TAF4B: variants seen among roughly 807,000 people sequenced by gnomAD.
The protein encoded by TAF4B is transcription initiation factor TFIID subunit 4B.
TAF4B carries 38 observed loss-of-function variants against 86.4 expected under a neutral mutation model. That is an observed-to-expected ratio of 0.44 (90% CI 0.34 to 0.58). The LOEUF (loss-of-function observed/expected upper bound fraction) is 0.58, where lower values mean the gene tolerates loss of function less well. TAF4B is among the 20% of genes least tolerant of loss of function. TAF4B has a pLI of 0.02. For synonymous variants in TAF4B, 388 were observed against 391.2 expected (o/e 0.99, Z 0.10); for missense variants, 988 against 1,027.6 (o/e 0.96, Z 0.53).
chr18:26,306,419 A>G (rs1243526365), intron 9 of TAF4B, among the ~76,000 whole-genome samples: 1 of 152,052 alleles, frequency 6.6e-6, no homozygotes, highest in Admixed American at 6.6e-5. Flanking sequence ...ATCTAAAATT[A>G]TTTTGTTCAT....
intron 2 of TAF4B, among the ~76,000 whole-genome samples, chr18:26,266,466 TCTG>T (rs2056241057): frequency 6.6e-6 from 1 of 152,172 alleles, no homozygotes; most frequent in Non-Finnish European, 1.5e-5. Context: ...AATACAGAAA[TCTG>T]CTGCATTTCA....
At chr18:26,295,236 C>CT in intron 9 of TAF4B, 7 of 403,806 alleles carry the variant, frequency 1.7e-5, no homozygotes, top group Non-Finnish European at 3.0e-5. Context: ...CACCATCGGT[C>CT]TTTTTTTCTG....
chr18:26,284,043 G>A lies in TAF4B; in HGVS notation c.973-1839G>A, dbSNP rs1259452205. On this transcript the variant is annotated intron_variant, in intron 6 of 14. Coordinates refer to ENST00000269142, the MANE Select transcript of TAF4B (RefSeq NM_005640.3). ...ACTGTAGCCTGGGTGACAAGAGTGA[G>A]ACTCCGTCTCAAAAAAAAAAAAAAA... Among the ~76,000 whole-genome samples the A allele has an allele frequency of 6.5e-4, 97 of 149,488 alleles. 1 individual carries two copies. The highest frequency in any genetic ancestry group is 2.3e-3 in the African/African-American group (95 of 40,964).
chr18:26,328,608 C>T (rs2057025986), intron 12 of TAF4B, among the ~76,000 whole-genome samples: 1 of 151,998 alleles, frequency 6.6e-6, no homozygotes, highest in African/African-American at 2.4e-5. Context: ...TTTGCTTCAT[C>T]TCTACCATTT....
At chr18:26,291,980 TG>T (rs879339961) in intron 7 of TAF4B, among the ~76,000 whole-genome samples, 1 of 152,184 alleles carries the variant, frequency 6.6e-6, no homozygotes, top group African/African-American at 2.4e-5. Flanking sequence ...AGTTAACAAT[TG>T]GAAATCGGAT....
At chr18:26,379,623 G>A (rs72881883) in intron 14 of TAF4B, among the ~76,000 whole-genome samples, 6,383 of 152,154 alleles carry the variant, frequency 0.042, 186 homozygotes, top group Non-Finnish European at 0.059. Flanking sequence ...TAGTGTGAGT[G>A]TTCCAGCTTT....
chr18:26,316,491 A>G (rs1343406144), intron 10 of TAF4B, among the ~76,000 whole-genome samples: 3 of 151,864 alleles, frequency 2.0e-5, no homozygotes, highest in African/African-American at 7.3e-5. Flanking sequence ...CCCAGGTTCA[A>G]GTGATTCTCC....
chr18:26,239,360 A>G (rs2055800270), intron 1 of TAF4B, among the ~76,000 whole-genome samples: 1 of 151,868 alleles, frequency 6.6e-6, no homozygotes. Flanking sequence ...GCATTTTTTC[A>G]TGTGTCTTTT....
intron 6 of TAF4B, among the ~76,000 whole-genome samples, chr18:26,285,093 C>A (rs1036788257): frequency 6.6e-6 from 1 of 151,160 alleles, no homozygotes; most frequent in Non-Finnish European, 1.5e-5. Context: ...TCAGCCCCTG[C>A]GGTAGCTGGG....
chr18:26,239,702 A>G (rs994875734), intron 1 of TAF4B, among the ~76,000 whole-genome samples: 1 of 152,196 alleles, frequency 6.6e-6, no homozygotes, highest in Non-Finnish European at 1.5e-5. Flanking sequence ...GTTTTCTTCT[A>G]GAGTTTTCAT....
At chr18:26,229,195 T>A (rs1257106268) in intron 1 of TAF4B, among the ~76,000 whole-genome samples, 3 of 152,190 alleles carry the variant, frequency 2.0e-5, no homozygotes, top group Admixed American at 6.5e-5. Context: ...GACCATAGTC[T>A]AATTATGTTC....
rs987230440 is a variant in TAF4B at position 26,281,851 on chromosome 18, TATTTA to T, written c.883-116_883-112del. ...TAGGTGGCATGAAGAAAAAAGCCTA[TATTTA>T]ATTGACTTTATCATTTGTGAAAAGT... On this transcript the variant is annotated intron_variant, in intron 5 of 14. Coordinates refer to ENST00000269142, the MANE Select transcript of TAF4B (RefSeq NM_005640.3). 7.7e-6 allele frequency: 5 copies of T among 650,688 alleles called. No individual in the cohort carries two copies. In the African/African-American group the frequency reaches 9.2e-5, roughly 12 times the overall value. The allele number at this position is 650,688 out of a possible 1,614,324, so 40.3% of individuals were successfully genotyped here. A position where few individuals can be genotyped will look rare whatever the true frequency, so the allele number is the denominator to read the frequency against.
chr18:26,264,103 G>A (rs2056206367), intron 1 of TAF4B, among the ~76,000 whole-genome samples: 1 of 152,068 alleles, frequency 6.6e-6, no homozygotes, highest in South Asian at 2.1e-4. Flanking sequence ...TAATAAACAG[G>A]TTTTTAAAAG....
chr18:26,298,734 G>A (rs2056694460), intron 9 of TAF4B, among the ~76,000 whole-genome samples: 1 of 151,186 alleles, frequency 6.6e-6, no homozygotes, highest in Admixed American at 6.6e-5. Flanking sequence ...TGTAGAGACA[G>A]GGATTTCACT....
chr18:26,267,631 G>A lies in TAF4B; in HGVS notation c.597+8G>A, dbSNP rs1172001227. 1.3e-6 allele frequency: 2 copies of A among 1,590,470 alleles called. No homozygotes were observed. Among genetic ancestry groups the A allele is most frequent in the African/African-American group, 2.7e-5 (2 of 74,598 alleles). ...AAGCCTTCCTCAGTACAAGTAAGTTGTGCTGGCCATTCGTGCACTTGTTGT... is the reference window on the plus strand; with the variant it reads ...AAGCCTTCCTCAGTACAAGTAAGTTATGCTGGCCATTCGTGCACTTGTTGT... On this transcript the variant is annotated splice_region_variant and intron_variant, in intron 3 of 14. Coordinates refer to ENST00000269142, the MANE Select transcript of TAF4B (RefSeq NM_005640.3).
At chr18:26,338,169 CAG>C (rs2057107667) in intron 13 of TAF4B, among the ~76,000 whole-genome samples, 1 of 152,000 alleles carries the variant, frequency 6.6e-6, no homozygotes, top group Non-Finnish European at 1.5e-5. Flanking sequence ...ATTCTTAAGC[CAG>C]GTGTAGTGGC....
At chr18:26,314,403 A>G (rs1418411968) in intron 9 of TAF4B, among the ~76,000 whole-genome samples, 1 of 152,052 alleles carries the variant, frequency 6.6e-6, no homozygotes, top group Non-Finnish European at 1.5e-5. Flanking sequence ...CATTAGATAA[A>G]AACAACTGTT....
At chr18:26,262,619 C>T (rs1409554996) in intron 1 of TAF4B, among the ~76,000 whole-genome samples, 2 of 151,900 alleles carry the variant, frequency 1.3e-5, no homozygotes, top group African/African-American at 4.8e-5. Context: ...CTCAGGATTA[C>T]AGGTGCCTGC....
chr18:26,355,120 T>C (rs781120587), intron 13 of TAF4B, among the ~76,000 whole-genome samples: 5 of 152,248 alleles, frequency 3.3e-5, no homozygotes, highest in African/African-American at 9.6e-5. Context: ...GATTTATATC[T>C]CAGTATTTCA....
Sources: allele counts gnomAD v4.1 joint callset (sites outside exome capture counted in the v4.1 genomes callset), GRCh38; gene constraint gnomAD v4.1.1; transcripts MANE v1.5; gene names NCBI Gene and HGNC (gene_info 2026-07-23, HGNC 2026-07-21).